The following CPNE4 variants were observed in gnomAD, a reference collection of about 807,000 sequenced individuals.
CPNE4 encodes copine-4.
Under a neutral mutation model 67.9 loss-of-function variants are expected in CPNE4, and 25 were observed. The ratio of observed to expected loss-of-function variants is 0.37; its 90% CI spans 0.27 to 0.51. The LOEUF is 0.51. CPNE4 is among the 20% of genes least tolerant of loss of function. The probability of loss-of-function intolerance (pLI) is 0.93; values close to 1 mark genes in which losing one functional copy is unlikely to be tolerated. For synonymous variants in CPNE4, 242 were observed against 244.9 expected (o/e 0.99, Z 0.11); for missense variants, 464 against 690.8 (o/e 0.67, Z 3.68).
chr3:131,679,316 C>A (rs746427149), intron 6 of CPNE4, among the ~76,000 whole-genome samples: 1 of 151,666 alleles, frequency 6.6e-6, no homozygotes, highest in Non-Finnish European at 1.5e-5. Context: ...TTTGAATCTT[C>A]TCCCTTTTCT....
intron 2 of CPNE4, among the ~76,000 whole-genome samples, chr3:131,846,368 G>A (rs1463662189): frequency 6.6e-6 from 1 of 152,146 alleles, no homozygotes; most frequent in African/African-American, 2.4e-5. Flanking sequence ...TTGAGGGAAT[G>A]AATTAACAGA....
chr3:132,024,119 T>C (rs2074065297), intron 1 of CPNE4, among the ~76,000 whole-genome samples: 2 of 151,546 alleles, frequency 1.3e-5, no homozygotes, highest in African/African-American at 4.9e-5. Flanking sequence ...AGTCTTGCTC[T>C]GTTGCCCAGG....
Position 131,960,833 on chromosome 3 carries a change from A to C in CPNE4, c.-1-55389T>G, listed in dbSNP as rs187866134. Among the ~76,000 whole-genome samples, 13 of 152,198 alleles carry C rather than the reference A, an allele frequency of 8.5e-5. No individual in the cohort carries two copies. The East Asian group carries it at 2.5e-3, about 29-fold the overall frequency. On this transcript the variant is annotated intron_variant, in intron 1 of 15. Coordinates refer to ENST00000429747, the MANE Select transcript of CPNE4 (RefSeq NM_130808.3). ...CCTTTACCCTCCATAATCCCCTTAA[A>C]ACCCCAGTCCAGAACTCCTCAAGGA...
In CPNE4 at chr3:131,620,662, A is replaced by C. The variant is rs144092205; in HGVS notation, c.682-33080T>G. 9.0e-4 allele frequency among the ~76,000 whole-genome samples: 137 copies of C among 152,350 alleles called. 2 individuals carry two copies. The East Asian group carries it at 0.023, about 26-fold the overall frequency. On this transcript the variant is annotated intron_variant, in intron 7 of 15. Coordinates refer to ENST00000429747, the MANE Select transcript of CPNE4 (RefSeq NM_130808.3). Reference sequence around the variant, plus strand: ...CAGGTGGGCCCAATATAATTACAAGAGTCCTTATAATAGAGGGCAGGTGAG... The same window carrying C: ...CAGGTGGGCCCAATATAATTACAAGCGTCCTTATAATAGAGGGCAGGTGAG...
intron 7 of CPNE4, among the ~76,000 whole-genome samples, chr3:131,632,157 G>A (rs987266926): frequency 4.0e-5 from 6 of 151,720 alleles, no homozygotes; most frequent in Non-Finnish European, 8.8e-5. Flanking sequence ...TTACAGGCGT[G>A]CACCACCATG....
intron 9 of CPNE4, among the ~76,000 whole-genome samples, chr3:131,580,190 G>A (rs1937706495): frequency 6.6e-6 from 1 of 152,120 alleles, no homozygotes; most frequent in Non-Finnish European, 1.5e-5. Flanking sequence ...AGGCTCATAT[G>A]ACTGTTGCAT....
At chr3:131,804,404 T>C (rs544308054) in intron 2 of CPNE4, among the ~76,000 whole-genome samples, 30 of 152,170 alleles carry the variant, frequency 2.0e-4, no homozygotes, top group Admixed American at 4.6e-4. Context: ...TAGTTATATC[T>C]TCCCGAGGTA....
chr3:131,596,393 C>A (rs181982994), intron 7 of CPNE4, among the ~76,000 whole-genome samples: 1,872 of 117,178 alleles, frequency 0.016, 287 homozygotes, highest in African/African-American at 0.07. Flanking sequence ...GAGGCCGAGG[C>A]GGGCGGATCA....
At chr3:131,882,969 G>A (rs562693130) in intron 2 of CPNE4, among the ~76,000 whole-genome samples, 114 of 152,098 alleles carry the variant, frequency 7.5e-4, no homozygotes, top group African/African-American at 2.5e-3. Flanking sequence ...CGTCTGACTC[G>A]GGCTCCCAAA....
intron 2 of CPNE4, among the ~76,000 whole-genome samples, chr3:131,858,767 T>C (rs1274281283): frequency 1.3e-5 from 2 of 152,160 alleles, no homozygotes; most frequent in Non-Finnish European, 2.9e-5. Flanking sequence ...CTAGGAGTTG[T>C]GGCTATAAGG....
chr3:131,853,594 T>A (rs1187811241), intron 2 of CPNE4, among the ~76,000 whole-genome samples: 2 of 151,760 alleles, frequency 1.3e-5, no homozygotes, highest in African/African-American at 2.4e-5. Context: ...TTAACCAAAC[T>A]TTTTTTCTCT....
chr3:131,769,841 T>A (rs76188306), intron 2 of CPNE4, among the ~76,000 whole-genome samples: 1 of 152,124 alleles, frequency 6.6e-6, no homozygotes, highest in African/African-American at 2.4e-5. Flanking sequence ...ATAAGTCAAA[T>A]AATAGGAGCT....
chr3:131,786,545 T>C (rs890775728), intron 2 of CPNE4, among the ~76,000 whole-genome samples: 22 of 152,168 alleles, frequency 1.4e-4, no homozygotes, highest in African/African-American at 5.1e-4. Flanking sequence ...TAAACACTTA[T>C]ATGTCTATTT....
chr3:131,960,662 C>T (rs893454908), intron 1 of CPNE4, among the ~76,000 whole-genome samples: 7 of 152,172 alleles, frequency 4.6e-5, no homozygotes, highest in African/African-American at 1.7e-4. Context: ...GATGAAACTA[C>T]TGACTTAGCT....
intron 3 of CPNE4, among the ~76,000 whole-genome samples, chr3:131,717,277 A>G (rs1484536761): frequency 6.6e-6 from 1 of 151,634 alleles, no homozygotes; most frequent in African/African-American, 2.4e-5. Context: ...TCGAGTTCAC[A>G]CTTTTATCTG....
At chr3:131,737,797 A>C (rs940269674) in intron 2 of CPNE4, among the ~76,000 whole-genome samples, 1 of 152,196 alleles carries the variant, frequency 6.6e-6, no homozygotes, top group Non-Finnish European at 1.5e-5. Context: ...TTGTGACAAC[A>C]TCAATGATTT....
intron 15 of CPNE4, among the ~76,000 whole-genome samples, chr3:131,541,618 A>G (rs1180698759): frequency 6.6e-6 from 1 of 150,462 alleles, no homozygotes; most frequent in African/African-American, 2.5e-5. Flanking sequence ...TCAGTTTTCA[A>G]TCTACCTTAG....
intron 2 of CPNE4, among the ~76,000 whole-genome samples, chr3:131,759,618 T>C (rs2082840247): frequency 7.5e-5 from 1 of 13,358 alleles, no homozygotes; most frequent in Non-Finnish European, 9.3e-4. Context: ...GAAAAAAAAG[T>C]GTAGTGGGGG....
chr3:131,556,357 T>C (rs529408401), intron 11 of CPNE4, among the ~76,000 whole-genome samples: 72 of 152,124 alleles, frequency 4.7e-4, no homozygotes, highest in Non-Finnish European at 6.0e-4. Context: ...GCCTGGGTAA[T>C]AGACCAAGAC....
Sources: allele counts gnomAD v4.1 joint callset (sites outside exome capture counted in the v4.1 genomes callset), GRCh38; gene constraint gnomAD v4.1.1; transcripts MANE v1.5; gene names NCBI Gene and HGNC (gene_info 2026-07-23, HGNC 2026-07-21).